DOCK1: variants seen among roughly 807,000 people sequenced by gnomAD.
DOCK1 encodes the protein dedicator of cytokinesis 1.
A neutral mutation model predicts 262.7 loss-of-function variants in DOCK1; 138 were observed. The observed-to-expected ratio is 0.53, with a 90% confidence interval of 0.46 to 0.61. The LOEUF is 0.61. Among genes scored for constraint, DOCK1 ranks in the 20% least tolerant of loss-of-function variants. The pLI is 0.00. For synonymous variants in DOCK1, 866 were observed against 867.4 expected (o/e 1.00, Z 0.03); for missense variants, 1,908 against 2,370.7 (o/e 0.80, Z 4.05).
intron 43 of DOCK1, among the ~76,000 whole-genome samples, chr10:127,414,587 G>C (rs2068049154): frequency 6.6e-6 from 1 of 152,168 alleles, no homozygotes; most frequent in South Asian, 2.1e-4. Context: ...TAGGTTATCA[G>C]CTTCAGGTAG....
intron 6 of DOCK1, among the ~76,000 whole-genome samples, chr10:126,993,832 G>A (rs1390121235): frequency 1.3e-5 from 2 of 152,190 alleles, no homozygotes. Flanking sequence ...CAGTGCTTGA[G>A]CAAAACTCCA....
chr10:126,948,562 T>G (rs1338596529), intron 1 of DOCK1, among the ~76,000 whole-genome samples: 1 of 151,476 alleles, frequency 6.6e-6, no homozygotes, highest in African/African-American at 2.4e-5. Flanking sequence ...TGGGGTGGGG[T>G]CGGGATAGGC....
intron 21 of DOCK1, 100 bp downstream of exon 21, chr10:127,043,264 T>G: frequency 1.1e-6 from 1 of 915,132 alleles, no homozygotes; most frequent in South Asian, 1.6e-5. Flanking sequence ...GTGTATTTAC[T>G]CCTGCTCAAA....
intron 1 of DOCK1, among the ~76,000 whole-genome samples, chr10:126,931,482 C>G (rs912077690): frequency 6.6e-6 from 1 of 151,910 alleles, no homozygotes; most frequent in Admixed American, 6.6e-5. Flanking sequence ...TTCAGGAGCC[C>G]GAGCTGAGCT....
At chr10:127,000,818 C>A (rs1036180696) in intron 10 of DOCK1, 3 of 157,934 alleles carry the variant, frequency 1.9e-5, no homozygotes, top group African/African-American at 4.8e-5. Flanking sequence ...GGTGCTTTTC[C>A]TCTGCCATGT....
chr10:127,254,638 T>C (rs1455235984), intron 28 of DOCK1, among the ~76,000 whole-genome samples: 2 of 152,252 alleles, frequency 1.3e-5, no homozygotes, highest in African/African-American at 4.8e-5. Context: ...GATAAAACTT[T>C]GAATCCACAA....
intron 38 of DOCK1, among the ~76,000 whole-genome samples, chr10:127,388,415 T>G (rs2066262967): frequency 6.6e-6 from 1 of 152,216 alleles, no homozygotes; most frequent in Admixed American, 6.5e-5. Flanking sequence ...GAACAGGTGC[T>G]GGAAAGAATT....
At chr10:126,930,485 T>G (rs1456481515) in intron 1 of DOCK1, among the ~76,000 whole-genome samples, 1 of 152,214 alleles carries the variant, frequency 6.6e-6, no homozygotes, top group Non-Finnish European at 1.5e-5. Flanking sequence ...GGGGAACAGG[T>G]GCCCTTCCCG....
intron 26 of DOCK1, 47 bp from the exon 27 acceptor site, chr10:127,127,622 G>A (rs1398230515): frequency 2.7e-6 from 4 of 1,477,826 alleles, no homozygotes; most frequent in East Asian, 2.3e-5. Flanking sequence ...GGGCTTGCAT[G>A]TTAATGTTTC....
chr10:127,214,779 G>C (rs907985414), intron 27 of DOCK1, among the ~76,000 whole-genome samples: 11 of 152,122 alleles, frequency 7.2e-5, no homozygotes, highest in African/African-American at 2.4e-4. Flanking sequence ...TGTTTCTTAG[G>C]CTTCAGAAGT....
intron 32 of DOCK1, among the ~76,000 whole-genome samples, chr10:127,361,062 C>G (rs1780986380): frequency 6.8e-6 from 1 of 147,872 alleles, no homozygotes; most frequent in Admixed American, 6.7e-5. Flanking sequence ...CTTTAAAAAT[C>G]ATATCTGGAA....
chr10:127,397,909 A>ATGGCTCCTGGATGACACAAATAG (rs1565059297), intron 38 of DOCK1, among the ~76,000 whole-genome samples: 2 of 151,702 alleles, frequency 1.3e-5, no homozygotes, highest in African/African-American at 4.8e-5. Context: ...GACATGGGTC[A>ATGGCTCCTGGATGACACAAATAG]TGGCTCCTGG....
At chr10:127,258,513 G>T (rs1433000490) in intron 29 of DOCK1, among the ~76,000 whole-genome samples, 1 of 152,160 alleles carries the variant, frequency 6.6e-6, no homozygotes. Context: ...CCCATGGTAC[G>T]CCTGGACCAA....
chr10:127,266,181 A>G (rs562689205), intron 29 of DOCK1, among the ~76,000 whole-genome samples: 94 of 152,322 alleles, frequency 6.2e-4, no homozygotes, highest in African/African-American at 2.1e-3. Flanking sequence ...CTGCATCCCA[A>G]TTAAGGGTGC....
rs140516988 is a variant in DOCK1, at chr10:127,175,793, C to T, written c.2847+48029C>T. 7.6e-5 allele frequency: 123 copies of T among 1,614,076 alleles called. No homozygotes were observed. In the East Asian group the frequency reaches 8.0e-4, roughly 11 times the overall value. The stretch of plus-strand genomic sequence containing the variant: ...GGAGCGCAGCTTCTCCATAGCTGAG[C>T]GGCTCCGGGCTTTTACAGGGCTCTG... On this transcript the variant is annotated intron_variant, in intron 27 of 51. Transcript: ENST00000623213. This position sits in a 1 kb window ranked among gnomAD's most constrained non-coding sequence, Gnocchi z 6.3.
rs564422557 is a variant in DOCK1, at chr10:127,185,149, TA to T, written c.2847+57387del. ...TTGCTTTGTGTCGGTTTTCTCTCCT[TA>T]ACACAAATATAAGTGTTCTGTGGAG... On this transcript the variant is annotated intron_variant, in intron 27 of 51. Transcript: ENST00000623213. Among the ~76,000 whole-genome samples, 770 of 152,306 alleles carry T rather than the reference TA, an allele frequency of 5.1e-3. 8 individuals carry two copies. The highest frequency in any genetic ancestry group is 0.018 in the African/African-American group (735 of 41,572).
chr10:127,135,793 C>T (rs2050641226), intron 27 of DOCK1: 1 of 152,342 alleles, frequency 6.6e-6, no homozygotes, highest in Non-Finnish European at 1.5e-5. Context: ...ACTAGGATGT[C>T]CTCTTGTTTA....
intron 40 of DOCK1, among the ~76,000 whole-genome samples, chr10:127,408,199 G>A (rs572955593): frequency 5.3e-5 from 8 of 152,088 alleles, no homozygotes; most frequent in South Asian, 2.1e-4. Flanking sequence ...TCCCCTCCCC[G>A]CCCCGGACTG....
intron 27 of DOCK1, among the ~76,000 whole-genome samples, chr10:127,223,068 A>G (rs7920063): frequency 6.6e-6 from 1 of 152,194 alleles, no homozygotes; most frequent in Non-Finnish European, 1.5e-5. Flanking sequence ...TGTATCCTTC[A>G]TTCAGTCTCT....
Sources: allele counts gnomAD v4.1 joint callset (sites outside exome capture counted in the v4.1 genomes callset), GRCh38; gene constraint gnomAD v4.1.1; non-coding constraint Gnocchi (gnomAD v3.1); transcripts MANE v1.5; gene names NCBI Gene and HGNC (gene_info 2026-07-23, HGNC 2026-07-21).